Variants in GRIP1 observed in about 807,000 individuals in gnomAD.
GRIP1 encodes the protein glutamate receptor interacting protein 1, also known as glutamate receptor-interacting protein 1.
GRIP1 carries 45 observed loss-of-function variants against 129.9 expected under a neutral mutation model. The observed-to-expected ratio is 0.35, with a 90% CI of 0.27 to 0.44. GRIP1 has a LOEUF of 0.44. Ranked by LOEUF, GRIP1 falls within the 20% of genes least tolerant of loss-of-function variation. The pLI, the probability that GRIP1 is intolerant of heterozygous loss-of-function variation, is 1.00. For missense variants in GRIP1, 1,196 were observed against 1,396.8 expected, an observed-to-expected ratio of 0.86 and a Z score of 2.29; for synonymous variants, 530 against 520.8, an observed-to-expected ratio of 1.02 and a Z score of -0.24.
At chr12:66,482,244 TACA>T (rs1158419835) in intron 7 of GRIP1, among the ~76,000 whole-genome samples, 1 of 152,150 alleles carries the variant, frequency 6.6e-6, no homozygotes, top group East Asian at 1.9e-4. Flanking sequence ...ACCAAATAAC[TACA>T]ACAATAACTG....
rs186490378 is a variant in GRIP1 at position 66,476,726 on chromosome 12, C to T, written c.725-11304G>A. Among the ~76,000 whole-genome samples the T allele has an allele frequency of 5.4e-3, 818 of 152,140 alleles. 2 individuals carry two copies. Among genetic ancestry groups the T allele is most frequent in the Non-Finnish European group, 7.9e-3 (540 of 67,994 alleles). On this transcript the variant is annotated intron_variant, in intron 7 of 24. Transcript: ENST00000359742. ...TGGGATGCAAGCCTGGTTCAACATA[C>T]GCAAATCAATAAACGTAATCCAGCA... is the stretch of plus-strand genomic sequence containing the variant.
chr12:66,719,023 A>G (rs1160338124), intron 1 of GRIP1, among the ~76,000 whole-genome samples: 1 of 152,094 alleles, frequency 6.6e-6, no homozygotes, highest in Non-Finnish European at 1.5e-5. Flanking sequence ...CCAACTAAGA[A>G]ATTTTTTAGA....
chr12:66,968,140 C>T (rs922207236), intron 1 of GRIP1, among the ~76,000 whole-genome samples: 10 of 152,096 alleles, frequency 6.6e-5, no homozygotes, highest in Non-Finnish European at 1.5e-4. Flanking sequence ...TTGTTTGGTG[C>T]ATATGTTTTT....
chr12:66,633,774 C>T (rs1565927253), intron 1 of GRIP1, among the ~76,000 whole-genome samples: 1 of 152,186 alleles, frequency 6.6e-6, no homozygotes, highest in African/African-American at 2.4e-5. Context: ...TGCTATGTGA[C>T]CCCTGGCCAC....
chr12:66,792,170 T>C (rs1185077303), intron 1 of GRIP1, among the ~76,000 whole-genome samples: 1 of 152,238 alleles, frequency 6.6e-6, no homozygotes, highest in Non-Finnish European at 1.5e-5. Context: ...TTAGAAATGA[T>C]ACACTTTACT....
At chr12:67,017,152 G>T (rs1408372715) in intron 1 of GRIP1, among the ~76,000 whole-genome samples, 1 of 152,074 alleles carries the variant, frequency 6.6e-6, no homozygotes, top group African/African-American at 2.4e-5. Context: ...CAAAATACTA[G>T]GAAGAATAAA....
chr12:66,800,336 G>A (rs558170111), intron 1 of GRIP1, among the ~76,000 whole-genome samples: 37 of 152,212 alleles, frequency 2.4e-4, no homozygotes, highest in African/African-American at 8.4e-4. Flanking sequence ...AGTTACCATG[G>A]AGGAGTCCCA....
intron 4 of GRIP1, among the ~76,000 whole-genome samples, chr12:66,532,768 C>G (rs2061495993): frequency 1.3e-5 from 2 of 151,500 alleles, no homozygotes; most frequent in Admixed American, 6.6e-5. Context: ...CTCTCCTCCT[C>G]CACTTCACCA....
chr12:67,067,958 G>A (rs971381359), intron 1 of GRIP1, among the ~76,000 whole-genome samples: 2 of 152,064 alleles, frequency 1.3e-5, no homozygotes, highest in African/African-American at 4.8e-5. Flanking sequence ...AAACCTATCC[G>A]GTTCCAAAGC....
chr12:66,366,848 TA>T (rs2055180861), intron 23 of GRIP1, among the ~76,000 whole-genome samples: 1 of 111,306 alleles, frequency 9.0e-6, no homozygotes, highest in African/African-American at 3.4e-5. Context: ...CACGCCCGGC[TA>T]ATTTTTTCAT....
chr12:66,764,124 TA>T (rs1217881882), intron 1 of GRIP1, among the ~76,000 whole-genome samples: 1 of 152,168 alleles, frequency 6.6e-6, no homozygotes, highest in African/African-American at 2.4e-5. Context: ...AAACTAGATA[TA>T]AACAATCATT....
At chr12:66,431,682 T>A (rs971332138) in intron 14 of GRIP1, among the ~76,000 whole-genome samples, 11 of 152,210 alleles carry the variant, frequency 7.2e-5, no homozygotes, top group Non-Finnish European at 1.5e-4. Context: ...TACCTCTACG[T>A]CTCCTTTGGT....
chr12:67,062,085 C>A (rs2043546182), intron 1 of GRIP1, among the ~76,000 whole-genome samples: 1 of 152,180 alleles, frequency 6.6e-6, no homozygotes, highest in Non-Finnish European at 1.5e-5. Flanking sequence ...TTCCAAGTCC[C>A]TCCCTTTTCA....
intron 13 of GRIP1, among the ~76,000 whole-genome samples, chr12:66,436,168 A>G (rs1032781818): frequency 5.9e-5 from 9 of 152,256 alleles, no homozygotes; most frequent in Admixed American, 5.2e-4. Flanking sequence ...ACATTTGGGT[A>G]AACAAAGGTC....
intron 12 of GRIP1, among the ~76,000 whole-genome samples, chr12:66,444,944 G>T (rs2058579559): frequency 6.6e-6 from 1 of 152,188 alleles, no homozygotes; most frequent in African/African-American, 2.4e-5. Context: ...GTATCCCAGA[G>T]AAGTAATTAA....
intron 1 of GRIP1, among the ~76,000 whole-genome samples, chr12:66,963,167 T>C (rs1469765166): frequency 2.6e-5 from 4 of 151,768 alleles, no homozygotes; most frequent in Non-Finnish European, 5.9e-5. Context: ...AAAAAAACAT[T>C]AGCCAGGTGT....
intron 6 of GRIP1, among the ~76,000 whole-genome samples, chr12:66,516,488 T>A (rs552220530): frequency 6.6e-6 from 1 of 152,128 alleles, no homozygotes; most frequent in Non-Finnish European, 1.5e-5. Flanking sequence ...AGAATAATAA[T>A]GACCTTTGAA....
intron 1 of GRIP1, among the ~76,000 whole-genome samples, chr12:66,634,466 C>A (rs1248923094): frequency 6.6e-6 from 1 of 152,046 alleles, no homozygotes; most frequent in Non-Finnish European, 1.5e-5. Flanking sequence ...AATGGCTTTC[C>A]ATTTACAGTG....
rs554800908 is a variant in GRIP1, at chr12:66,531,162, G to A, written c.419-1248C>T. 6.6e-5 allele frequency among the ~76,000 whole-genome samples: 10 copies of A among 150,482 alleles called. No individual in the cohort carries two copies. The East Asian group carries it at 1.2e-3, about 18-fold the overall frequency. ...AGGCAGGAGAATCACTTGAACCCGC[G>A]GGGGCGGAGGTTGCAGTGAGCTGAG... On this transcript the variant is annotated intron_variant, in intron 4 of 24. Coordinates refer to ENST00000359742, the MANE Select transcript of GRIP1 (RefSeq NM_001366722.1).
Sources: gnomAD v4.1 joint callset for allele counts (sites outside exome capture counted in the v4.1 genomes callset) on GRCh38, gnomAD v4.1.1 for gene constraint, MANE v1.5 for transcripts, NCBI Gene and HGNC (gene_info 2026-07-23, HGNC 2026-07-21) for gene names.